GLT8D2: variants seen among roughly 807,000 people sequenced by gnomAD.
The protein encoded by GLT8D2 is glycosyltransferase 8 domain-containing protein 2.
Under a neutral mutation model 44.5 loss-of-function variants are expected in GLT8D2, and 45 were observed. The observed-to-expected ratio is 1.01, with a 90% CI of 0.80 to 1.30. The LOEUF (loss-of-function observed/expected upper bound fraction) is 1.30, where lower values mean the gene tolerates loss of function less well. GLT8D2 is among the 50% of genes most tolerant of loss of function. The pLI, the probability that GLT8D2 is intolerant of heterozygous loss-of-function variation, is 0.00. For synonymous variants in GLT8D2, 156 were observed against 157.2 expected (o/e 0.99, Z 0.06); for missense variants, 400 against 430.4 (o/e 0.93, Z 0.62).
At chr12:104,045,728 A>T (rs913635933) in intron 1 of GLT8D2, among the ~76,000 whole-genome samples, 2 of 152,134 alleles carry the variant, frequency 1.3e-5, no homozygotes, top group African/African-American at 4.8e-5. Flanking sequence ...CAAAAAGCAA[A>T]GTGGGAAAGG....
chr12:103,999,695 CT>C (rs953976865), intron 5 of GLT8D2, among the ~76,000 whole-genome samples, 181 bp from the exon 6 acceptor site: 2 of 152,114 alleles, frequency 1.3e-5, no homozygotes, highest in African/African-American at 4.8e-5. Context: ...GACTTTAAAT[CT>C]TTTTTTCCCC....
chr12:104,049,406 T>TGG (rs1160174897), intron 1 of GLT8D2: 102 of 152,336 alleles, frequency 6.7e-4, no homozygotes, highest in African/African-American at 2.4e-3. Flanking sequence ...GACTACTGTA[T>TGG]TTACAATAAG....
chr12:104,049,404 T>TC (rs1383538597), intron 1 of GLT8D2: 102 of 152,338 alleles, frequency 6.7e-4, no homozygotes, highest in African/African-American at 2.4e-3. Flanking sequence ...ACGACTACTG[T>TC]ATTTACAATA....
intron 1 of GLT8D2, among the ~76,000 whole-genome samples, chr12:104,021,945 GAAGAAGAAGAGGAA>G (rs1566202514): frequency 0.018 from 440 of 24,104 alleles, 51 homozygotes; most frequent in East Asian, 0.053. Context: ...AGAAGAAGAA[GAAGAAGAAGAGGAA>G]GAAGAGGAAG....
chr12:104,055,674 G>A (rs561334090), intron 1 of GLT8D2, among the ~76,000 whole-genome samples: 16 of 152,314 alleles, frequency 1.1e-4, no homozygotes, highest in South Asian at 8.3e-4. Context: ...AAGGTCAGAT[G>A]TTCATCATTT....
chr12:103,990,131 A>C (rs1366272958), intron 10 of GLT8D2, among the ~76,000 whole-genome samples: 11 of 94,336 alleles, frequency 1.2e-4, no homozygotes, highest in Non-Finnish European at 1.9e-4. Context: ...ATATATATAT[A>C]TATGTAGGAT....
At chr12:104,042,531 G>A (rs1880668460) in intron 1 of GLT8D2, among the ~76,000 whole-genome samples, 1 of 152,244 alleles carries the variant, frequency 6.6e-6, no homozygotes, top group African/African-American at 2.4e-5. Flanking sequence ...TTGCAGAACT[G>A]AAGTCCTGGG....
At chr12:103,995,173 A>T (rs1473509156) in intron 8 of GLT8D2, among the ~76,000 whole-genome samples, 3 of 152,144 alleles carry the variant, frequency 2.0e-5, no homozygotes, top group African/African-American at 7.2e-5. Context: ...CCTAACCAGT[A>T]TCCTTGCTTC....
intron 9 of GLT8D2, 168 bp downstream of exon 9, chr12:103,994,167 G>T: frequency 3.9e-6 from 2 of 509,264 alleles, no homozygotes; most frequent in Non-Finnish European, 3.3e-6. Flanking sequence ...ATCTTTTGAG[G>T]AAAGGTTTTA....
chr12:104,059,997 G>T (rs1262662917), intron 1 of GLT8D2, among the ~76,000 whole-genome samples: 1 of 152,064 alleles, frequency 6.6e-6, no homozygotes, highest in Non-Finnish European at 1.5e-5. Flanking sequence ...GTTCTCTCTG[G>T]CTTCTTTCCC....
At chr12:104,040,333 T>G (rs1373751520) in intron 1 of GLT8D2, among the ~76,000 whole-genome samples, 4 of 152,212 alleles carry the variant, frequency 2.6e-5, no homozygotes, top group African/African-American at 7.2e-5. Flanking sequence ...ATTGCTATCT[T>G]TGATAACAGT....
intron 1 of GLT8D2, chr12:104,031,607 T>C (rs1435650881): frequency 6.4e-7 from 1 of 1,565,956 alleles, no homozygotes; most frequent in Non-Finnish European, 8.8e-7. Context: ...CCTCTGCCCC[T>C]CCCACCTGCA....
chr12:104,058,898 C>T lies in GLT8D2; in HGVS notation c.-423+5051G>A, dbSNP rs115225569. On this transcript the variant is annotated intron_variant, in intron 1 of 10. Coordinates refer to the GLT8D2 transcript ENST00000548660. ...AGACCCCCAGAGATGCCTAAAACCA[C>T]GGATAGCACCAAATCCTATATACCT... 7.8e-3 allele frequency among the ~76,000 whole-genome samples: 1,192 copies of T among 152,292 alleles called. 18 individuals are homozygous for T. The highest frequency in any genetic ancestry group is 0.027 in the African/African-American group (1,117 of 41,550).
intron 3 of GLT8D2, among the ~76,000 whole-genome samples, chr12:104,018,059 T>G (rs1055696591): frequency 3.3e-5 from 5 of 152,116 alleles, no homozygotes; most frequent in Non-Finnish European, 5.9e-5. Context: ...AACCTCAACC[T>G]TGCAGGCTCA....
intron 4 of GLT8D2, among the ~76,000 whole-genome samples, chr12:104,008,711 G>A (rs1184539739): frequency 2.6e-5 from 4 of 152,244 alleles, no homozygotes; most frequent in African/African-American, 7.2e-5. Context: ...AGGCCCGGAG[G>A]CCTAGGAGAA....
intron 1 of GLT8D2, among the ~76,000 whole-genome samples, chr12:104,047,438 G>A (rs1223321802): frequency 6.6e-6 from 1 of 151,720 alleles, no homozygotes; most frequent in Non-Finnish European, 1.5e-5. Context: ...CCAAATAGCT[G>A]GGATTACAGG....
intron 1 of GLT8D2, among the ~76,000 whole-genome samples, chr12:104,021,996 GAAGAAGAAGAAGAAGAAGAAGAAGAAA>G (rs1430231108): frequency 0.021 from 1,268 of 61,306 alleles, 184 homozygotes; most frequent in Non-Finnish European, 0.025. Flanking sequence ...AGAAGAAGAA[GAAGAAGAAGAAGAAGAAGAAGAAGAAA>G]AAGAAGAAGA....
intron 1 of GLT8D2, among the ~76,000 whole-genome samples, chr12:104,055,377 A>G (rs966360253): frequency 8.5e-5 from 13 of 152,358 alleles, no homozygotes; most frequent in African/African-American, 3.1e-4. Flanking sequence ...TCCTTGCATT[A>G]TATGAATGGG....
At chr12:104,004,416 T>C (rs1281625330) in intron 4 of GLT8D2, among the ~76,000 whole-genome samples, 2 of 151,998 alleles carry the variant, frequency 1.3e-5, no homozygotes, top group African/African-American at 2.4e-5. Flanking sequence ...AGGGTATTCA[T>C]TTAGGAAAAG....
Sources: allele counts gnomAD v4.1 joint callset (sites outside exome capture counted in the v4.1 genomes callset), GRCh38; gene constraint gnomAD v4.1.1; transcripts MANE v1.5; gene names NCBI Gene and HGNC (gene_info 2026-07-23, HGNC 2026-07-21).